DOCK8: variants seen among roughly 807,000 people sequenced by gnomAD.
The protein encoded by DOCK8 is dedicator of cytokinesis 8.
DOCK8 carries 141 observed loss-of-function variants against 245.6 expected under a neutral mutation model. That is an observed-to-expected ratio of 0.57 (90% CI 0.50 to 0.66). DOCK8 has a LOEUF of 0.66. Among genes scored for constraint, DOCK8 ranks in the 30% least tolerant of loss-of-function variants. The pLI is 0.00. For synonymous variants in DOCK8, 1,168 were observed against 970.2 expected (o/e 1.20, Z -3.79); for missense variants, 2,965 against 2,603.4 (o/e 1.14, Z -3.02).
In DOCK8 at chr9:443,428, C is replaced by G; in HGVS notation, c.5492C>G (p.Ala1831Gly). Residue 1831 changes from alanine (A) to glycine (G), a missense_variant and splice_region_variant, in exon 43 of 48, where the codon GCA becomes GGA. This residue lies in a region of DOCK8 where 2,825 missense variants were observed against 2,453.5 expected (regional missense o/e 1.15). Coordinates refer to ENST00000432829, the MANE Select transcript of DOCK8 (RefSeq NM_203447.4). ...KLPEISHRLE[A>G]FYGQCFGAEF... ...AAACTGTTGGTTCTTCTTACCTAGGCATTTTATGGTCAATGTTTTGGTGCA... is the reference window on the plus strand; with the variant it reads ...AAACTGTTGGTTCTTCTTACCTAGGGATTTTATGGTCAATGTTTTGGTGCA... The G allele has an allele frequency of 6.2e-7, 1 of 1,613,828 alleles. No individual in the cohort carries two copies. The highest frequency in any genetic ancestry group is 1.7e-5 in the Admixed American group (1 of 60,016).
At chr9:386,904 T>G (rs892166153) in intron 23 of DOCK8, among the ~76,000 whole-genome samples, 1 of 152,250 alleles carries the variant, frequency 6.6e-6, no homozygotes, top group East Asian at 1.9e-4. Flanking sequence ...TAAACTAATA[T>G]GAAATGCTTC....
chr9:318,827 C>A (rs574664025), intron 7 of DOCK8, among the ~76,000 whole-genome samples: 8 of 152,330 alleles, frequency 5.3e-5, no homozygotes, highest in Non-Finnish European at 1.0e-4. Flanking sequence ...CCTGCCCCGA[C>A]AGGATGCATC....
At chr9:256,895 C>T (rs1209142637) in intron 1 of DOCK8, among the ~76,000 whole-genome samples, 1 of 152,170 alleles carries the variant, frequency 6.6e-6, no homozygotes, top group Non-Finnish European at 1.5e-5. Flanking sequence ...AAGAATAAAT[C>T]AATGTCAGAC....
intron 7 of DOCK8, among the ~76,000 whole-genome samples, chr9:323,531 A>G (rs1227449255): frequency 6.6e-6 from 1 of 152,106 alleles, no homozygotes; most frequent in Non-Finnish European, 1.5e-5. Flanking sequence ...AAAATCTACC[A>G]TCTTAACCAT....
chr9:403,868 C>CTCTG, intron 26 of DOCK8, among the ~76,000 whole-genome samples: 2 of 81,946 alleles, frequency 2.4e-5, no homozygotes, highest in Non-Finnish European at 4.0e-5. Context: ...ATCTCTCTCT[C>CTCTG]TCTCTCTCTC....
Position 414,665 on chromosome 9 carries a change from T to G in DOCK8, c.3531-117T>G, listed in dbSNP as rs922780639. ...TCTATGTAGTTCTATCCTATATTGC[T>G]TGGTTTTCACAGTCACCTCATTGCT... On this transcript the variant is annotated intron_variant, in intron 28 of 47. Coordinates refer to ENST00000432829, the MANE Select transcript of DOCK8 (RefSeq NM_203447.4). The G allele has an allele frequency of 2.3e-5, 29 of 1,276,410 alleles. No homozygotes were observed. In the African/African-American group the frequency reaches 3.7e-4, roughly 16 times the overall value. 79.1% of individuals were successfully genotyped at this position (1,276,410 alleles called of 1,614,324 possible).
chr9:445,326 C>T (rs1438919900), intron 43 of DOCK8, among the ~76,000 whole-genome samples: 1 of 152,184 alleles, frequency 6.6e-6, no homozygotes, highest in Non-Finnish European at 1.5e-5. Context: ...TTTCATTATA[C>T]TAAGTCGTGA....
chr9:255,166 G>A (rs1395248690), intron 1 of DOCK8, among the ~76,000 whole-genome samples: 1 of 152,080 alleles, frequency 6.6e-6, no homozygotes, highest in Non-Finnish European at 1.5e-5. Flanking sequence ...AAAAGGAAAG[G>A]TTTTCATATA....
intron 1 of DOCK8, among the ~76,000 whole-genome samples, chr9:251,976 T>A (rs545435512): frequency 1.4e-5 from 1 of 70,528 alleles, no homozygotes; most frequent in African/African-American, 4.0e-5. Flanking sequence ...TGTTTTCTTT[T>A]TTTTTTTTTT....
intron 40 of DOCK8, among the ~76,000 whole-genome samples, chr9:439,735 T>C (rs1344070940): frequency 6.6e-6 from 1 of 152,132 alleles, no homozygotes; most frequent in Non-Finnish European, 1.5e-5. Context: ...TGATGAGGCA[T>C]GTTTTCACTC....
chr9:330,982 G>A (rs1212615873), intron 9 of DOCK8, among the ~76,000 whole-genome samples: 1 of 152,194 alleles, frequency 6.6e-6, no homozygotes, highest in African/African-American at 2.4e-5. Context: ...CACTACTAGT[G>A]CATGAAGCCG....
At chr9:333,361 G>A (rs893048970) in intron 10 of DOCK8, among the ~76,000 whole-genome samples, 15 of 152,216 alleles carry the variant, frequency 9.9e-5, no homozygotes, top group Non-Finnish European at 1.5e-4. Flanking sequence ...CAGCACTTTG[G>A]GAGGCCAAGG....
At position 400,013 on chromosome 9, in the gene DOCK8, T is replaced by TCACCACCACCACCTCCACCATCAC. The variant is rs760976824; in HGVS notation, c.3234+764_3234+765insACCTCCACCATCACCACCACCACC. 6.6e-5 allele frequency among the ~76,000 whole-genome samples: 3 copies of TCACCACCACCACCTCCACCATCAC among 45,704 alleles called. 1 individual carries two copies. The highest frequency in any genetic ancestry group is 1.2e-4 in the Non-Finnish European group (3 of 24,796). The allele number at this position is 45,704 out of a possible 152,430, so 30.0% of individuals were successfully genotyped here. A position where few individuals can be genotyped will look rare whatever the true frequency, so the allele number is the denominator to read the frequency against. ...CCCACCACCTCCACCACCTCCACCA[T>TCACCACCACCACCTCCACCATCAC]CACCACCACCTCCACCATCACCACC... On this transcript the variant is annotated intron_variant, in intron 26 of 47. Transcript: ENST00000432829.
rs192984577 is a variant in DOCK8, at chr9:368,206, G to A, written c.1797+71G>A. 7.2e-5 allele frequency: 92 copies of A among 1,271,198 alleles called. No homozygotes were observed. In the East Asian group the frequency reaches 8.3e-4, roughly 11 times the overall value. The allele number at this position is 1,271,198 out of a possible 1,614,324, so 78.7% of individuals were successfully genotyped here. On this transcript the variant is annotated intron_variant, in intron 15 of 47. Coordinates refer to ENST00000432829, the MANE Select transcript of DOCK8 (RefSeq NM_203447.4). ...CACCCCTGTCACTTCACACAAGTCC[G>A]GGACTCATCAGTGTACAAAGTCCGT... is the stretch of plus-strand genomic sequence containing the variant.
chr9:274,911 G>A (rs143460553), intron 2 of DOCK8, among the ~76,000 whole-genome samples: 1 of 152,168 alleles, frequency 6.6e-6, no homozygotes, highest in Non-Finnish European at 1.5e-5. Flanking sequence ...TGGCCCACTT[G>A]CTGATACAAA....
chr9:400,935 CCACCACCACCAT>C (rs1209782108), intron 26 of DOCK8, among the ~76,000 whole-genome samples: 14 of 101,316 alleles, frequency 1.4e-4, no homozygotes, highest in Admixed American at 2.9e-4. Flanking sequence ...ACCACAACAT[CCACCACCACCAT>C]CACCACCACC....
intron 7 of DOCK8, among the ~76,000 whole-genome samples, chr9:325,380 G>A (rs1029823603): frequency 6.6e-6 from 1 of 152,080 alleles, no homozygotes; most frequent in African/African-American, 2.4e-5. Flanking sequence ...CACACTAAAG[G>A]TCCATTCAGC....
chr9:305,457 T>C (rs1322772609), intron 5 of DOCK8, among the ~76,000 whole-genome samples: 4 of 152,024 alleles, frequency 2.6e-5, no homozygotes, highest in Non-Finnish European at 4.4e-5. Context: ...TAATTTCTTT[T>C]TGTATTTTTA....
In DOCK8 at chr9:434,986, T is replaced by G. The variant is rs936447579; in HGVS notation, c.5079+11T>G. ...AGTGTCAGCTTCCAGGTAGGGTGTG[T>G]GCAGCTTTTCCCTTAGAGCAGTGGT... On this transcript the variant is annotated intron_variant, in intron 39 of 47. Transcript: ENST00000432829. 2 of 1,611,798 alleles carry G rather than the reference T, an allele frequency of 1.2e-6. No individual in the cohort carries two copies. Among genetic ancestry groups the G allele is most frequent in the African/African-American group, 1.3e-5 (1 of 74,890 alleles).
Sources: gnomAD v4.1 joint callset for allele counts (sites outside exome capture counted in the v4.1 genomes callset) on GRCh38, gnomAD v4.1.1 for gene constraint, gnomAD v4.1.1 regional missense constraint, MANE v1.5 for transcripts, NCBI Gene and HGNC (gene_info 2026-07-23, HGNC 2026-07-21) for gene names.